Variants in ROBO2 observed in about 807,000 individuals in gnomAD.
ROBO2 encodes the protein roundabout homolog 2.
Under a neutral mutation model 160.8 loss-of-function variants are expected in ROBO2, and 53 were observed. That is an observed-to-expected ratio of 0.33 (90% confidence interval 0.26 to 0.41). The LOEUF (loss-of-function observed/expected upper bound fraction) is 0.41, where lower values mean the gene tolerates loss of function less well. Among genes scored for constraint, ROBO2 ranks in the 10% least tolerant of loss-of-function variants. The pLI is 1.00. For missense variants in ROBO2, 1,577 were observed against 1,722.4 expected, an observed-to-expected ratio of 0.92 and a Z score of 1.49; for synonymous variants, 664 against 611.7, an observed-to-expected ratio of 1.09 and a Z score of -1.26.
At chr3:76,007,291 C>T (rs749029619) in intron 2 of ROBO2, among the ~76,000 whole-genome samples, 1 of 152,046 alleles carries the variant, frequency 6.6e-6, no homozygotes, top group African/African-American at 2.4e-5. Context: ...ATGCATTTTT[C>T]TTTTAGCACT....
intron 2 of ROBO2, among the ~76,000 whole-genome samples, chr3:76,708,755 G>A (rs1348732407): frequency 1.3e-5 from 2 of 152,228 alleles, no homozygotes; most frequent in African/African-American, 4.8e-5. Flanking sequence ...TGCTCTGGCA[G>A]AACCAGAATG....
chr3:76,777,505 A>G (rs2062347676), intron 2 of ROBO2, among the ~76,000 whole-genome samples: 1 of 151,124 alleles, frequency 6.6e-6, no homozygotes, highest in African/African-American at 2.4e-5. Context: ...GCTGGCTTGG[A>G]AATGTAATGG....
At chr3:76,631,344 G>A (rs559309367) in intron 2 of ROBO2, among the ~76,000 whole-genome samples, 3 of 152,024 alleles carry the variant, frequency 2.0e-5, no homozygotes, top group Admixed American at 1.3e-4. Flanking sequence ...TTTTGTTGGC[G>A]TTAAAATGCG....
intron 2 of ROBO2, among the ~76,000 whole-genome samples, chr3:76,924,931 G>A (rs2076882565): frequency 1.3e-5 from 2 of 152,186 alleles, no homozygotes; most frequent in Admixed American, 6.5e-5. Context: ...GTTTGCGGCC[G>A]GGCGCGGTGG....
intron 2 of ROBO2, among the ~76,000 whole-genome samples, chr3:76,757,972 T>A (rs891805527): frequency 5.3e-5 from 8 of 151,766 alleles, no homozygotes; most frequent in Non-Finnish European, 1.0e-4. Flanking sequence ...CTCTAGTAAG[T>A]TCTAGGAGGC....
chr3:76,982,427 C>CTGCAATTTTA (rs1364945162), intron 2 of ROBO2, among the ~76,000 whole-genome samples: 2 of 152,178 alleles, frequency 1.3e-5, no homozygotes, highest in Non-Finnish European at 2.9e-5. Context: ...TTCCATTGAT[C>CTGCAATTTTA]TGCAATTTTA....
At chr3:76,151,584 A>G (rs1216591459) in intron 2 of ROBO2, among the ~76,000 whole-genome samples, 1 of 152,130 alleles carries the variant, frequency 6.6e-6, no homozygotes, top group Non-Finnish European at 1.5e-5. Context: ...AACACCTCCC[A>G]TATGCTATTG....
intron 2 of ROBO2, among the ~76,000 whole-genome samples, chr3:76,219,527 A>T (rs906310976): frequency 2.0e-5 from 3 of 152,228 alleles, no homozygotes; most frequent in Non-Finnish European, 4.4e-5. Context: ...ACATGAACAG[A>T]CACTTCTCAA....
chr3:76,348,870 T>C (rs2074697500), intron 2 of ROBO2, among the ~76,000 whole-genome samples: 1 of 152,128 alleles, frequency 6.6e-6, no homozygotes, highest in African/African-American at 2.4e-5. Flanking sequence ...ATTGAACATG[T>C]TCAAAAAGTT....
At chr3:75,940,406 A>G (rs2107061964) in intron 2 of ROBO2, among the ~76,000 whole-genome samples, 1 of 152,228 alleles carries the variant, frequency 6.6e-6, no homozygotes, top group Middle Eastern at 3.4e-3. Flanking sequence ...GGTGGGTTGG[A>G]AGTAAGTCAA....
chr3:76,371,383 A>G (rs2076091427), intron 2 of ROBO2, among the ~76,000 whole-genome samples: 1 of 151,976 alleles, frequency 6.6e-6, no homozygotes, highest in African/African-American at 2.4e-5. Flanking sequence ...TACTGTATTG[A>G]CTGCACATTT....
intron 2 of ROBO2, among the ~76,000 whole-genome samples, chr3:77,114,048 G>A (rs1190798877): frequency 2.0e-5 from 3 of 152,118 alleles, no homozygotes; most frequent in African/African-American, 4.8e-5. Flanking sequence ...CTCTTTCATC[G>A]GGCAGCAATG....
intron 2 of ROBO2, among the ~76,000 whole-genome samples, chr3:76,865,938 A>G (rs955859136): frequency 6.6e-6 from 1 of 152,112 alleles, no homozygotes; most frequent in African/African-American, 2.4e-5. Flanking sequence ...TTATTAATTT[A>G]GACATAAAAA....
rs1219580267 is a variant in ROBO2, at chr3:76,185,195, G to GATAT, written c.109+247611_109+247614dup. On this transcript the variant is annotated intron_variant, in intron 2 of 26. Transcript: ENST00000487694. ...TTCTAGGCTTCTATAAGTAAACACA[G>GATAT]ATATATATATATATATATATACACA... Among the ~76,000 whole-genome samples the GATAT allele has an allele frequency of 1.3e-3, 57 of 44,522 alleles. 3 individuals are homozygous for GATAT. Among genetic ancestry groups the GATAT allele is most frequent in the East Asian group, 3.0e-3 (3 of 1,008 alleles). 29.2% of individuals were successfully genotyped at this position (44,522 alleles called of 152,430 possible). A position where few individuals can be genotyped will look rare whatever the true frequency, so the allele number is the denominator to read the frequency against.
At chr3:77,618,928 C>G (rs1398972590) in intron 22 of ROBO2, among the ~76,000 whole-genome samples, 1 of 152,182 alleles carries the variant, frequency 6.6e-6, no homozygotes, top group Non-Finnish European at 1.5e-5. Flanking sequence ...AGCCACAGGG[C>G]TTCCTTCACG....
intron 2 of ROBO2, among the ~76,000 whole-genome samples, chr3:76,767,225 G>T (rs1368445128): frequency 6.6e-6 from 1 of 151,490 alleles, no homozygotes; most frequent in South Asian, 2.1e-4. Context: ...CATGCATTAA[G>T]CATGATATTT....
intron 2 of ROBO2, among the ~76,000 whole-genome samples, chr3:76,634,880 C>T (rs13098625): frequency 0.18 from 28,098 of 152,174 alleles, 2,710 homozygotes; most frequent in Non-Finnish European, 0.22. Flanking sequence ...CTGCCTCCTG[C>T]CAGATCAGTG....
At chr3:77,349,859 A>G (rs2068108303) in intron 2 of ROBO2, among the ~76,000 whole-genome samples, 1 of 152,080 alleles carries the variant, frequency 6.6e-6, no homozygotes, top group Non-Finnish European at 1.5e-5. Flanking sequence ...TATGATTAAT[A>G]ATTAATTTTC....
chr3:77,017,367 T>C (rs1578278350), intron 2 of ROBO2, among the ~76,000 whole-genome samples: 1 of 152,172 alleles, frequency 6.6e-6, no homozygotes, highest in African/African-American at 2.4e-5. Flanking sequence ...GGAAGTAACA[T>C]TGATTTGTTA....
Sources: gnomAD v4.1 joint callset for allele counts (sites outside exome capture counted in the v4.1 genomes callset) on GRCh38, gnomAD v4.1.1 for gene constraint, MANE v1.5 for transcripts, NCBI Gene and HGNC (gene_info 2026-07-23, HGNC 2026-07-21) for gene names.